SIRPG: variants seen among roughly 807,000 people sequenced by gnomAD.
SIRPG encodes the protein signal-regulatory protein gamma.
A neutral mutation model predicts 35.7 loss-of-function variants in SIRPG; 38 were observed. The ratio of observed to expected loss-of-function variants is 1.06; its 90% CI spans 0.82 to 1.40. The LOEUF is 1.40. Among genes scored for constraint, SIRPG ranks in the 40% most tolerant of loss-of-function variants. SIRPG has a pLI of 0.00. For synonymous variants in SIRPG, 215 were observed against 190.4 expected (o/e 1.13, Z -1.06); for missense variants, 519 against 483.0 (o/e 1.07, Z -0.70).
At chr20:1,665,301 G>T in the SIRPG span, 2 of 167,206 alleles carry the variant, frequency 1.2e-5, no homozygotes, top group South Asian at 3.0e-4. Flanking sequence ...CTGCTTCAGT[G>T]GATGTTAGAT....
chr20:1,650,993 C>A (rs913964806), intron 1 of SIRPG, among the ~76,000 whole-genome samples: 1 of 152,090 alleles, frequency 6.6e-6, no homozygotes, highest in South Asian at 2.1e-4. Context: ...AACCTGTCAA[C>A]CATGAATTCT....
the SIRPG span, among the ~76,000 whole-genome samples, chr20:1,676,052 G>A: frequency 6.6e-6 from 1 of 152,148 alleles, no homozygotes; most frequent in Non-Finnish European, 1.5e-5. Context: ...ACTTCACTAG[G>A]AAGTAGCAGA....
At chr20:1,668,432 A>G in the SIRPG span, among the ~76,000 whole-genome samples, 95,411 of 151,596 alleles carry the variant, frequency 0.63, 30,531 homozygotes, top group East Asian at 0.86. Flanking sequence ...ACAGGCACAC[A>G]CCCACCATGC....
chr20:1,645,762 C>A (rs1390156457), intron 2 of SIRPG, among the ~76,000 whole-genome samples: 1 of 152,100 alleles, frequency 6.6e-6, no homozygotes, highest in Non-Finnish European at 1.5e-5. Context: ...GAGTTCTTGC[C>A]CATGCTCTCC....
At chr20:1,684,216 T>C in the SIRPG span, among the ~76,000 whole-genome samples, 2 of 152,192 alleles carry the variant, frequency 1.3e-5, no homozygotes, top group African/African-American at 4.8e-5. Flanking sequence ...AATGCATAGG[T>C]TAATTAGCTC....
At chr20:1,667,244 T>C in the SIRPG span, among the ~76,000 whole-genome samples, 1 of 152,148 alleles carries the variant, frequency 6.6e-6, no homozygotes, top group African/African-American at 2.4e-5. Flanking sequence ...TTGCCTACGG[T>C]ATTCAGTACA....
chr20:1,657,738 C>T lies in SIRPG; in HGVS notation c.-24G>A. 1.2e-6 allele frequency: 2 copies of T among 1,609,846 alleles called. No homozygotes were observed. Among genetic ancestry groups the T allele is most frequent in the Non-Finnish European group, 1.7e-6 (2 of 1,176,280 alleles). ...ATTTTGGAGACCTCAGAAGCCTGCT[C>T]TGTTCAAACGTCTGTTCTGGGGAGA... On this transcript the variant is annotated 5_prime_UTR_variant, in exon 1 of 6. Coordinates refer to ENST00000303415, the MANE Select transcript of SIRPG (RefSeq NM_018556.4).
rs2091922026 is a variant in SIRPG, at chr20:1,649,345, C to A, written c.137G>T (p.Gly46Val). 6.2e-7 allele frequency: 1 copy of A among 1,613,990 alleles called. No homozygotes were observed. Among genetic ancestry groups the A allele is most frequent in the Non-Finnish European group, 8.5e-7 (1 of 1,179,968 alleles). ...AGTGCAGTGCAGAGTGGCTGTCTTTCCAACTGTGACCAACAGGAGCTTCTC... is the reference window on the plus strand; with the variant it reads ...AGTGCAGTGCAGAGTGGCTGTCTTTACAACTGTGACCAACAGGAGCTTCTC... ...QPEKLLLVTV[G>V]KTATLHCTVT... The change falls in exon 2 of 6, where the codon GGA becomes GTA. Residue 46 changes from glycine to valine, a missense_variant. Gly to Val is a moderately radical substitution (Grantham distance 109). Coordinates refer to ENST00000303415, the MANE Select transcript of SIRPG (RefSeq NM_018556.4).
chr20:1,636,837 A>G (rs573162635), intron 2 of SIRPG, among the ~76,000 whole-genome samples: 36 of 152,000 alleles, frequency 2.4e-4, no homozygotes, highest in Non-Finnish European at 4.9e-4. Context: ...AACTGGTGCT[A>G]GCCTGTTTCC....
upstream of SIRPG, among the ~76,000 whole-genome samples, chr20:1,658,883 C>T (rs1176978176): frequency 6.6e-6 from 1 of 152,126 alleles, no homozygotes; most frequent in East Asian, 1.9e-4. Flanking sequence ...CTCGCTGCCA[C>T]CCTGAAATCA....
At chr20:1,641,686 G>A (rs1008030605) in intron 2 of SIRPG, among the ~76,000 whole-genome samples, 3 of 151,894 alleles carry the variant, frequency 2.0e-5, no homozygotes, top group Non-Finnish European at 4.4e-5. Context: ...GTGATGTTAC[G>A]GTGTTGATTT....
At chr20:1,663,049 C>G in the SIRPG span, among the ~76,000 whole-genome samples, 1 of 151,850 alleles carries the variant, frequency 6.6e-6, no homozygotes, top group African/African-American at 2.4e-5. Context: ...CGCGGTAGCT[C>G]ACGCCTGTAA....
chr20:1,656,386 A>G (rs1379962742), intron 1 of SIRPG, among the ~76,000 whole-genome samples: 3 of 152,224 alleles, frequency 2.0e-5, no homozygotes, highest in African/African-American at 7.2e-5. Flanking sequence ...TAGTTGACTT[A>G]ATACACACAA....
chr20:1,677,625 A>G, the SIRPG span, among the ~76,000 whole-genome samples: 1 of 152,230 alleles, frequency 6.6e-6, no homozygotes, highest in Non-Finnish European at 1.5e-5. Context: ...CTAATTACCA[A>G]AACTTGGTGT....
upstream of SIRPG, among the ~76,000 whole-genome samples, chr20:1,660,053 T>C (rs2091992181): frequency 6.6e-6 from 1 of 152,212 alleles, no homozygotes; most frequent in Non-Finnish European, 1.5e-5. Context: ...TCTTTAAAGT[T>C]AGTATACTTA....
chr20:1,649,811 A>T (rs182951061), intron 1 of SIRPG, among the ~76,000 whole-genome samples: 10 of 149,820 alleles, frequency 6.7e-5, no homozygotes, highest in African/African-American at 2.5e-4. Context: ...TAAGCTTTGT[A>T]TTTTTGCAGA....
intron 1 of SIRPG, among the ~76,000 whole-genome samples, chr20:1,656,264 T>C (rs1020211007): frequency 2.6e-5 from 4 of 152,224 alleles, no homozygotes; most frequent in African/African-American, 9.7e-5. Flanking sequence ...TGATCCCAAC[T>C]GCTCCATGGA....
At position 1,633,976 on chromosome 20, in the gene SIRPG, G is replaced by A. The variant is rs561713759; in HGVS notation, c.1081+1291C>T. On this transcript the variant is annotated intron_variant, in intron 4 of 5. Coordinates refer to ENST00000303415, the MANE Select transcript of SIRPG (RefSeq NM_018556.4). ...GTTTGAACCAATAACCCGATCTAAA[G>A]GCAAGAGGTCTTCAACAACATCCCC... Among the ~76,000 whole-genome samples, 64 of 152,280 alleles carry A rather than the reference G, an allele frequency of 4.2e-4. 2 individuals carry two copies. The highest frequency in any genetic ancestry group is 1.4e-3 in the African/African-American group (58 of 41,538).
Position 1,636,171 on chromosome 20 carries a change from G to GT in SIRPG, c.748+16dup, listed in dbSNP as rs1491248400. The GT allele has an allele frequency of 2.2e-6, 2 of 894,312 alleles. No homozygotes were observed. The highest frequency in any genetic ancestry group is 3.1e-6 in the Non-Finnish European group (2 of 650,604). The allele number at this position is 894,312 out of a possible 1,614,324, so 55.4% of individuals were successfully genotyped here. On this transcript the variant is annotated intron_variant, in intron 3 of 5. Transcript: ENST00000303415. ...ACAGCCAGGTGTGGGCTTGGGCTGG[G>GT]TGTGAGGGTCCTCTACCTCGGATGG...
Sources: gnomAD v4.1 joint callset for allele counts (sites outside exome capture counted in the v4.1 genomes callset) on GRCh38, gnomAD v4.1.1 for gene constraint, MANE v1.5 for transcripts, NCBI Gene and HGNC (gene_info 2026-07-23, HGNC 2026-07-21) for gene names.